Variants in ATP10D observed in about 807,000 individuals in gnomAD.
ATP10D encodes ATPase phospholipid transporting 10D (putative).
Under a neutral mutation model 144.8 loss-of-function variants are expected in ATP10D, and 89 were observed. The observed-to-expected ratio is 0.61, with a 90% CI of 0.52 to 0.73. The LOEUF is 0.73. Ranked by LOEUF, ATP10D falls within the 30% of genes least tolerant of loss-of-function variation. The pLI, the probability that ATP10D is intolerant of heterozygous loss-of-function variation, is 0.00. For missense variants in ATP10D, 1,603 were observed against 1,714.8 expected (o/e 0.93, Z 1.15); for synonymous variants, 571 against 615.1 (o/e 0.93, Z 1.06).
At chr4:47,502,097 A>G (rs920057191) in intron 1 of ATP10D, among the ~76,000 whole-genome samples, 2 of 152,158 alleles carry the variant, frequency 1.3e-5, no homozygotes, top group Non-Finnish European at 2.9e-5. Flanking sequence ...CAACTGCAAC[A>G]TTTTACCTGC....
chr4:47,528,458 GGTGTGTGTGTGTGTGTGT>G (rs372960268), intron 5 of ATP10D, among the ~76,000 whole-genome samples: 2,401 of 116,238 alleles, frequency 0.021, 63 homozygotes, highest in African/African-American at 0.056. Flanking sequence ...AGTAGTCCAT[GGTGTGTGTGTGTGTGTGT>G]GTGTGTGTGT....
In ATP10D at chr4:47,572,853, C is replaced by T. The variant is rs373071438; in HGVS notation, c.3241-19C>T. On this transcript the variant is annotated intron_variant, in intron 17 of 22. Transcript: ENST00000273859. ...GTTTGATCACTCAGGATGGCATTCT[C>T]TCCCCATTGCATCTGCAGGCTGTGA... is the stretch of plus-strand genomic sequence containing the variant. 8.1e-6 allele frequency: 13 copies of T among 1,613,886 alleles called. No individual in the cohort carries two copies. Among genetic ancestry groups the T allele is most frequent in the Admixed American group, 3.3e-5 (2 of 60,008 alleles).
At chr4:47,548,308 C>A (rs926836481) in intron 10 of ATP10D, among the ~76,000 whole-genome samples, 4 of 152,204 alleles carry the variant, frequency 2.6e-5, no homozygotes, top group Non-Finnish European at 4.4e-5. Context: ...TATACTACCT[C>A]TATCCATCAA....
At chr4:47,517,898 C>T (rs560436656) in intron 3 of ATP10D, among the ~76,000 whole-genome samples, 1 of 151,884 alleles carries the variant, frequency 6.6e-6, no homozygotes, top group Non-Finnish European at 1.5e-5. Context: ...TAAGATGTTC[C>T]TTTATGTTTG....
intron 4 of ATP10D, 86 bp downstream of exon 4, chr4:47,523,302 A>G (rs1380084900): frequency 1.8e-6 from 2 of 1,108,544 alleles, no homozygotes; most frequent in African/African-American, 3.1e-5. Flanking sequence ...AGATAAAGAG[A>G]TTTTTAATTC....
intron 21 of ATP10D, among the ~76,000 whole-genome samples, chr4:47,585,348 T>A (rs972730675): frequency 1.6e-4 from 25 of 152,144 alleles, no homozygotes; most frequent in Non-Finnish European, 2.5e-4. Flanking sequence ...AAATCTTTTT[T>A]TATTTCTAAA....
At chr4:47,560,921 C>T (rs1238016351) in intron 13 of ATP10D, 28 bp from the exon 14 acceptor site, 2 of 1,613,624 alleles carry the variant, frequency 1.2e-6, no homozygotes, top group Non-Finnish European at 1.7e-6. Context: ...TGGCTTGCTT[C>T]ATACCTCTCT....
At chr4:47,545,076 G>A (rs1718345484) in intron 9 of ATP10D, among the ~76,000 whole-genome samples, 1 of 152,214 alleles carries the variant, frequency 6.6e-6, no homozygotes, top group Non-Finnish European at 1.5e-5. Context: ...GGTCAGGCAA[G>A]GCCTCTCTAA....
chr4:47,487,392 A>C (rs930152852), intron 1 of ATP10D, among the ~76,000 whole-genome samples: 8 of 152,188 alleles, frequency 5.3e-5, no homozygotes, highest in African/African-American at 1.9e-4. Context: ...AGGGTTAAAA[A>C]AATGTACACA....
chr4:47,538,325 T>G (rs976896847), intron 9 of ATP10D, among the ~76,000 whole-genome samples: 9 of 152,232 alleles, frequency 5.9e-5, no homozygotes, highest in Non-Finnish European at 8.8e-5. Flanking sequence ...TCAGCTTGTA[T>G]GCTTAGTCTA....
intron 2 of ATP10D, 36 bp downstream of exon 2, chr4:47,512,866 C>A: frequency 6.5e-7 from 1 of 1,528,434 alleles, no homozygotes. Flanking sequence ...CTTAGAATAT[C>A]ATTCTAGTTG....
Position 47,521,646 on chromosome 4 carries a change from G to T in ATP10D, c.486-1366G>T, listed in dbSNP as rs531125021. ...CCTTTAGTTACTCTCCATTTCCTAT[G>T]GAATGAAATTCCTACTCCTAGATAT... On this transcript the variant is annotated intron_variant, in intron 3 of 22. Coordinates refer to ENST00000273859, the MANE Select transcript of ATP10D (RefSeq NM_020453.4). 3.9e-5 allele frequency among the ~76,000 whole-genome samples: 6 copies of T among 152,174 alleles called. No homozygotes were observed. In the East Asian group the frequency reaches 7.7e-4, roughly 20 times the overall value.
In ATP10D at chr4:47,583,775, A is replaced by T. The variant is rs186125610; in HGVS notation, c.3753+1711A>T. Among the ~76,000 whole-genome samples, 464 of 65,598 alleles carry T rather than the reference A, an allele frequency of 7.1e-3. 3 individuals are homozygous for T. Among genetic ancestry groups the T allele is most frequent in the African/African-American group, 0.033 (421 of 12,622 alleles). 43.0% of individuals were successfully genotyped at this position (65,598 alleles called of 152,430 possible). On this transcript the variant is annotated intron_variant, in intron 21 of 22. Transcript: ENST00000273859. ...AACCTGAACAAATAGAAAAGTTATT[A>T]AAAAATATAATGAAGAACCATGATA...
chr4:47,572,906 T>TAGCACCC lies in ATP10D; in HGVS notation c.3275_3276insAGCACCC (p.Phe1092LeufsTer31). The TAGCACCC allele has an allele frequency of 6.2e-7, 1 of 1,614,158 alleles. No individual in the cohort carries two copies. Among genetic ancestry groups the TAGCACCC allele is most frequent in the Non-Finnish European group, 8.5e-7 (1 of 1,180,032 alleles). ...GCCAGTGACTTTGCCGTTTCTCAGT[T>TAGCACCC]CAAACATCTCAGCAAGCTCCTTCTT... On this transcript the variant is annotated frameshift_variant, in exon 18 of 23. Transcript: ENST00000273859. LOFTEE classifies it high-confidence loss of function.
chr4:47,541,431 T>C (rs1249335614), intron 9 of ATP10D, among the ~76,000 whole-genome samples: 1 of 152,200 alleles, frequency 6.6e-6, no homozygotes, highest in Non-Finnish European at 1.5e-5. Context: ...CTTGGGATGT[T>C]GAAGCCAAGA....
chr4:47,541,584 G>T (rs1177272799), intron 9 of ATP10D, among the ~76,000 whole-genome samples: 1 of 152,214 alleles, frequency 6.6e-6, no homozygotes, highest in Non-Finnish European at 1.5e-5. Flanking sequence ...TGGAATGCTG[G>T]AAATGTTTGC....
At chr4:47,498,112 A>G (rs912465239) in intron 1 of ATP10D, among the ~76,000 whole-genome samples, 2 of 152,186 alleles carry the variant, frequency 1.3e-5, no homozygotes, top group Admixed American at 6.5e-5. Flanking sequence ...TCATTGGAAA[A>G]CTGAGGGTCA....
chr4:47,575,775 A>G (rs1408811293), intron 18 of ATP10D, among the ~76,000 whole-genome samples: 1 of 152,146 alleles, frequency 6.6e-6, no homozygotes, highest in Non-Finnish European at 1.5e-5. Context: ...CTTGTAAACA[A>G]CATTTCTTCC....
intron 1 of ATP10D, among the ~76,000 whole-genome samples, chr4:47,511,777 G>A (rs950544697): frequency 6.6e-5 from 10 of 152,202 alleles, no homozygotes; most frequent in Non-Finnish European, 7.3e-5. Context: ...TTAGTGGTCA[G>A]TTGGCAGTCA....
Sources: gnomAD v4.1 joint callset for allele counts (sites outside exome capture counted in the v4.1 genomes callset) on GRCh38, gnomAD v4.1.1 for gene constraint, MANE v1.5 for transcripts, NCBI Gene and HGNC (gene_info 2026-07-23, HGNC 2026-07-21) for gene names.